STK10: variants seen among roughly 807,000 people sequenced by gnomAD.
STK10 encodes the protein serine/threonine-protein kinase 10.
Under a neutral mutation model 113.8 loss-of-function variants are expected in STK10, and 78 were observed. That is an observed-to-expected ratio of 0.69 (90% CI 0.57 to 0.83). STK10 has a LOEUF of 0.83. STK10 is among the 40% of genes least tolerant of loss of function. The pLI, the probability that STK10 is intolerant of heterozygous loss-of-function variation, is 0.00. For missense variants in STK10, 1,109 were observed against 1,280.1 expected (o/e 0.87, Z 2.04); for synonymous variants, 465 against 494.7 (o/e 0.94, Z 0.80).
At chr5:172,149,506 GTGTGTGTGTGTGTGTC>G (rs1328034347) in intron 2 of STK10, among the ~76,000 whole-genome samples, 26 of 150,038 alleles carry the variant, frequency 1.7e-4, no homozygotes, top group African/African-American at 5.8e-4. Flanking sequence ...GTGTGTGTGT[GTGTGTGTGTGTGTGTC>G]TGTGTGTGTG....
intron 9 of STK10, among the ~76,000 whole-genome samples, chr5:172,091,787 C>T (rs1768713639): frequency 6.6e-6 from 1 of 152,204 alleles, no homozygotes; most frequent in Admixed American, 6.5e-5. Flanking sequence ...CCGCCTTGGC[C>T]TCCCAAAGTG....
At chr5:172,167,771 C>T (rs1163939713) in intron 1 of STK10, among the ~76,000 whole-genome samples, 2 of 152,284 alleles carry the variant, frequency 1.3e-5, no homozygotes, top group African/African-American at 2.4e-5. Context: ...CTGTGGCTAC[C>T]GTATTGAACA....
intron 10 of STK10, among the ~76,000 whole-genome samples, chr5:172,083,545 T>C (rs1167683188): frequency 6.6e-6 from 1 of 152,202 alleles, no homozygotes; most frequent in Non-Finnish European, 1.5e-5. Flanking sequence ...CTTATGTTTT[T>C]TGACATAGTA....
At chr5:172,056,949 A>AGGAAAG (rs1260928851) in intron 15 of STK10, 1 of 88,298 alleles carries the variant, frequency 1.1e-5, no homozygotes. Flanking sequence ...GAAAGAAAGA[A>AGGAAAG]AGAAGGAAAG....
chr5:172,139,114 A>G (rs1003292861), intron 2 of STK10, among the ~76,000 whole-genome samples: 1 of 152,240 alleles, frequency 6.6e-6, no homozygotes, highest in East Asian at 1.9e-4. Context: ...TGTCAATACT[A>G]CCCAACATGA....
intron 8 of STK10, 55 bp downstream of exon 8, chr5:172,096,371 C>T (rs1369889329): frequency 1.4e-5 from 22 of 1,596,698 alleles, no homozygotes; most frequent in South Asian, 1.1e-5. Context: ...CCAGCAGGGC[C>T]AGCTGAGATC....
chr5:172,047,898 G>GTTT (rs1272269466), intron 18 of STK10, among the ~76,000 whole-genome samples: 1 of 129,250 alleles, frequency 7.7e-6, no homozygotes, highest in South Asian at 2.3e-4. Flanking sequence ...ATGTTTTTTG[G>GTTT]GTTTTTTTTT....
At position 172,082,420 on chromosome 5, in the gene STK10, G is replaced by C. The variant is rs767684376; in HGVS notation, c.1895C>G (p.Ala632Gly). 1 of 1,611,760 alleles carries C rather than the reference G, an allele frequency of 6.2e-7. No individual in the cohort carries two copies. Among genetic ancestry groups the C allele is most frequent in the Non-Finnish European group, 8.5e-7 (1 of 1,178,968 alleles). Residue 632 changes from alanine (A) to glycine (G), a missense_variant, in exon 12 of 19, where the codon GCC becomes GGC. This residue lies in a region of STK10 where 885 missense variants were observed against 991.1 expected (regional missense o/e 0.89). Coordinates refer to ENST00000176763, the MANE Select transcript of STK10 (RefSeq NM_005990.4). This position sits in a 1 kb window ranked among gnomAD's most constrained non-coding sequence, Gnocchi z 4.3. Reference sequence around the variant, plus strand: ...CCTGGCCTCCTCCCGGCGGCGCACGGCATGGTCTTGCTCCATCTTCTCCAC... The same window carrying C: ...CCTGGCCTCCTCCCGGCGGCGCACGCCATGGTCTTGCTCCATCTTCTCCAC... ...QQVEKMEQDH[A>G]VRRREEARRI...
At chr5:172,073,059 G>A (rs533602798) in intron 12 of STK10, among the ~76,000 whole-genome samples, 13 of 152,086 alleles carry the variant, frequency 8.5e-5, no homozygotes, top group African/African-American at 1.7e-4. Flanking sequence ...TTGCAGCCTC[G>A]AACTCCTGGG....
At chr5:172,169,740 G>GC (rs1770632348) in intron 1 of STK10, among the ~76,000 whole-genome samples, 1 of 152,212 alleles carries the variant, frequency 6.6e-6, no homozygotes, top group Admixed American at 6.5e-5. Context: ...CAATCCTGTA[G>GC]CCAATAAAGT....
chr5:172,100,012 C>A (rs2113755653), intron 7 of STK10, among the ~76,000 whole-genome samples: 1 of 152,368 alleles, frequency 6.6e-6, no homozygotes, highest in African/African-American at 2.4e-5. Flanking sequence ...AGGAGGGCAG[C>A]TCTGCCAGGC....
chr5:172,054,768 T>C (rs984981553), intron 16 of STK10, 74 bp from the exon 17 acceptor site: 2 of 1,589,112 alleles, frequency 1.3e-6, no homozygotes, highest in Non-Finnish European at 8.5e-7. Flanking sequence ...CACTCAGCCC[T>C]GGCCCAGGGA....
At chr5:172,131,043 T>G (rs1317037037) in intron 2 of STK10, among the ~76,000 whole-genome samples, 6 of 148,390 alleles carry the variant, frequency 4.0e-5, no homozygotes, top group Non-Finnish European at 7.5e-5. Flanking sequence ...TTTTTTTTTT[T>G]TTTTTTTTTT....
intron 13 of STK10, among the ~76,000 whole-genome samples, chr5:172,064,202 T>A (rs1369427481): frequency 1.3e-5 from 2 of 151,752 alleles, no homozygotes; most frequent in African/African-American, 4.8e-5. Context: ...AGTTCATAGA[T>A]CCAGAGACAG....
At chr5:172,050,021 T>C (rs937149866) in intron 18 of STK10, among the ~76,000 whole-genome samples, 1 of 152,244 alleles carries the variant, frequency 6.6e-6, no homozygotes, top group African/African-American at 2.4e-5. Context: ...CAGGCTGGTC[T>C]CGAACTCTTA....
chr5:172,178,943 CT>C (rs1416139467), intron 1 of STK10, among the ~76,000 whole-genome samples: 1 of 152,176 alleles, frequency 6.6e-6, no homozygotes, highest in Non-Finnish European at 1.5e-5. Context: ...GCCAGGGATC[CT>C]GTGGAACACC....
rs1286624750 is a variant in STK10 at position 172,187,226 on chromosome 5, T to C, written c.156+661A>G. 6.6e-6 allele frequency among the ~76,000 whole-genome samples: 1 copy of C among 152,120 alleles called. No homozygotes were observed. The highest frequency in any genetic ancestry group is 1.5e-5 in the Non-Finnish European group (1 of 68,024). On this transcript the variant is annotated intron_variant, in intron 1 of 18. Transcript: ENST00000176763. The surrounding 1 kb of genome is among the most constrained non-coding windows in gnomAD (Gnocchi z 4.6). ...CTCTAGGGGAGAGGTGACTGCAGGCTGGGAGACTCCCCAGCTGTGACTCAG... is the reference window on the plus strand; with the variant it reads ...CTCTAGGGGAGAGGTGACTGCAGGCCGGGAGACTCCCCAGCTGTGACTCAG...
intron 6 of STK10, among the ~76,000 whole-genome samples, chr5:172,106,400 T>TGAAAAAAAAAAAAAAAAAAA (rs1366190162): frequency 1.7e-4 from 1 of 6,006 alleles, no homozygotes; most frequent in Non-Finnish European, 4.5e-4. Context: ...AGACCCTATC[T>TGAAAAAAAAAAAAAAAAAAA]CAAAAAAAAA....
At position 172,137,366 on chromosome 5, in the gene STK10, T is replaced by C. The variant is rs562941245; in HGVS notation, c.322-9945A>G. Reference sequence around the variant, plus strand: ...AAAGAGAGATTACACCATGATCAAGTGGGATTTATTCCTGGAATGTAAGGA... The same window carrying C: ...AAAGAGAGATTACACCATGATCAAGCGGGATTTATTCCTGGAATGTAAGGA... On this transcript the variant is annotated intron_variant, in intron 2 of 18. Transcript: ENST00000176763. Among the ~76,000 whole-genome samples, 116 of 152,148 alleles carry C rather than the reference T, an allele frequency of 7.6e-4. 1 individual carries two copies. The highest frequency in any genetic ancestry group is 2.5e-3 in the African/African-American group (104 of 41,516).
Sources: gnomAD v4.1 joint callset for allele counts (sites outside exome capture counted in the v4.1 genomes callset) on GRCh38, gnomAD v4.1.1 for gene constraint, gnomAD v4.1.1 regional missense constraint, Gnocchi (gnomAD v3.1) non-coding constraint, MANE v1.5 for transcripts, NCBI Gene and HGNC (gene_info 2026-07-23, HGNC 2026-07-21) for gene names.